The following GRM7 variants were observed in gnomAD, a reference collection of about 807,000 sequenced individuals.
GRM7 encodes metabotropic glutamate receptor 7.
A neutral mutation model predicts 84.5 loss-of-function variants in GRM7; 35 were observed. That is an observed-to-expected ratio of 0.41 (90% CI 0.32 to 0.55). The LOEUF (loss-of-function observed/expected upper bound fraction) is 0.55, where lower values mean the gene tolerates loss of function less well. Among genes scored for constraint, GRM7 ranks in the 20% least tolerant of loss-of-function variants. The pLI is 0.19. For synonymous variants in GRM7, 487 were observed against 455.1 expected (o/e 1.07, Z -0.89); for missense variants, 1,003 against 1,194.6 (o/e 0.84, Z 2.36).
intron 1 of GRM7, among the ~76,000 whole-genome samples, chr3:7,036,731 A>G (rs1274347925): frequency 6.6e-6 from 1 of 152,202 alleles, no homozygotes; most frequent in Admixed American, 6.5e-5. Flanking sequence ...TTGCTACTGC[A>G]TGGCAATTTT....
chr3:6,901,665 C>A (rs1367954075), intron 1 of GRM7, among the ~76,000 whole-genome samples: 1 of 115,984 alleles, frequency 8.6e-6, no homozygotes, highest in African/African-American at 3.2e-5. Context: ...AGAGAGAAAT[C>A]TTTTCATTTT....
At chr3:7,645,462 A>G (rs930100997) in intron 8 of GRM7, among the ~76,000 whole-genome samples, 4 of 149,602 alleles carry the variant, frequency 2.7e-5, no homozygotes, top group Non-Finnish European at 5.9e-5. Context: ...CATGAGAATC[A>G]CTTGAACCCA....
intron 1 of GRM7, among the ~76,000 whole-genome samples, chr3:7,071,782 G>A (rs948473695): frequency 6.6e-6 from 1 of 151,964 alleles, no homozygotes; most frequent in Non-Finnish European, 1.5e-5. Context: ...ATTTTTAAAA[G>A]ATATATTTAT....
Position 7,679,831 on chromosome 3 carries a change from G to A in GRM7, c.2452-218G>A, listed in dbSNP as rs573655644. On this transcript the variant is annotated intron_variant, in intron 8 of 9. Transcript: ENST00000357716. ...AATATAAGAGACTTCTGTAGGGCAA[G>A]CATGTGCATGGATTGACCCAATAGC... Among the ~76,000 whole-genome samples, 3 of 152,334 alleles carry A rather than the reference G, an allele frequency of 2.0e-5. No homozygotes were observed. In the South Asian group the frequency reaches 6.2e-4, roughly 32 times the overall value.
At chr3:7,312,707 C>G (rs1030023073) in intron 4 of GRM7, among the ~76,000 whole-genome samples, 5 of 151,960 alleles carry the variant, frequency 3.3e-5, no homozygotes, top group Non-Finnish European at 5.9e-5. Context: ...TAATCCTGAC[C>G]ATTGGGATGG....
chr3:7,312,557 G>T (rs1271297996), intron 4 of GRM7, among the ~76,000 whole-genome samples: 1 of 152,146 alleles, frequency 6.6e-6, no homozygotes, highest in African/African-American at 2.4e-5. Flanking sequence ...GGAGACTGTG[G>T]ATTTGTCATT....
intron 2 of GRM7, among the ~76,000 whole-genome samples, chr3:7,261,176 T>G (rs982380660): frequency 6.6e-6 from 1 of 152,040 alleles, no homozygotes; most frequent in South Asian, 2.1e-4. Flanking sequence ...TACCTGCAGG[T>G]CACAGGGCCA....
At chr3:7,456,186 A>G (rs117853964) in intron 6 of GRM7, among the ~76,000 whole-genome samples, 19 of 152,110 alleles carry the variant, frequency 1.2e-4, no homozygotes, top group South Asian at 6.2e-4. Flanking sequence ...ATGGATATGT[A>G]TGAACATTCT....
intron 1 of GRM7, among the ~76,000 whole-genome samples, chr3:6,881,591 T>G (rs539906369): frequency 6.6e-4 from 84 of 127,768 alleles, no homozygotes; most frequent in African/African-American, 2.2e-3. Context: ...TCAAACAAAT[T>G]TTAAAGAAAA....
At chr3:7,435,502 G>A (rs1697007719) in intron 5 of GRM7, among the ~76,000 whole-genome samples, 1 of 151,528 alleles carries the variant, frequency 6.6e-6, no homozygotes, top group Non-Finnish European at 1.5e-5. Context: ...TTGTCCTAGA[G>A]ATTTATCAAT....
At chr3:6,950,760 C>A (rs969399875) in intron 1 of GRM7, among the ~76,000 whole-genome samples, 3 of 152,200 alleles carry the variant, frequency 2.0e-5, no homozygotes, top group African/African-American at 7.2e-5. Context: ...CAATGGCAGG[C>A]GCCCCTCCCC....
chr3:7,300,767 A>C (rs189556848), intron 3 of GRM7, among the ~76,000 whole-genome samples: 2 of 152,054 alleles, frequency 1.3e-5, no homozygotes, highest in African/African-American at 4.8e-5. Flanking sequence ...AAAATTCTTC[A>C]TACTCACTCA....
chr3:7,323,700 T>A (rs919919437), intron 4 of GRM7, among the ~76,000 whole-genome samples: 1 of 152,196 alleles, frequency 6.6e-6, no homozygotes, highest in Non-Finnish European at 1.5e-5. Flanking sequence ...ACATAACGTG[T>A]CATGGTTTTG....
chr3:7,422,850 G>T (rs1575314294), intron 5 of GRM7, among the ~76,000 whole-genome samples: 1 of 152,192 alleles, frequency 6.6e-6, no homozygotes, highest in East Asian at 1.9e-4. Flanking sequence ...AAAATAAATG[G>T]TGGAGAGGAA....
intron 7 of GRM7, among the ~76,000 whole-genome samples, chr3:7,496,301 C>A (rs1247945679): frequency 6.6e-6 from 1 of 152,100 alleles, no homozygotes; most frequent in African/African-American, 2.4e-5. Flanking sequence ...ACACTGTGAG[C>A]CTCTGGACAT....
At chr3:7,671,070 A>G (rs1216553397) in intron 8 of GRM7, among the ~76,000 whole-genome samples, 2 of 152,214 alleles carry the variant, frequency 1.3e-5, no homozygotes, top group African/African-American at 4.8e-5. Context: ...AGTACCTGGT[A>G]TTGGCTACAT....
chr3:7,307,548 T>G (rs1700237356), intron 4 of GRM7, among the ~76,000 whole-genome samples: 2 of 152,218 alleles, frequency 1.3e-5, no homozygotes, highest in South Asian at 4.1e-4. Context: ...GAAGGCTGCA[T>G]GTTCTGTGTA....
intron 6 of GRM7, among the ~76,000 whole-genome samples, chr3:7,460,784 A>G (rs1443213189): frequency 2.6e-5 from 4 of 152,228 alleles, no homozygotes; most frequent in African/African-American, 7.2e-5. Flanking sequence ...TGTGGTTAAT[A>G]TTAAGGATTC....
intron 1 of GRM7, among the ~76,000 whole-genome samples, chr3:6,881,925 G>GTA (rs1482107640): frequency 2.7e-5 from 4 of 149,446 alleles, no homozygotes; most frequent in Non-Finnish European, 5.9e-5. Flanking sequence ...ATTGAATTGT[G>GTA]TGTGTGTGTG....
Sources: allele counts gnomAD v4.1 joint callset (sites outside exome capture counted in the v4.1 genomes callset), GRCh38; gene constraint gnomAD v4.1.1; transcripts MANE v1.5; gene names NCBI Gene and HGNC (gene_info 2026-07-23, HGNC 2026-07-21).